Variants in KIF24 observed in about 807,000 individuals in gnomAD.
The protein encoded by KIF24 is kinesin-like protein KIF24.
In KIF24, 81 loss-of-function variants were observed where a neutral mutation model predicts 118.9. The observed-to-expected ratio is 0.68, with a 90% CI of 0.57 to 0.82. KIF24 has a LOEUF of 0.82. Among genes scored for constraint, KIF24 ranks in the 40% least tolerant of loss-of-function variants. The pLI is 0.00. For synonymous variants in KIF24, 599 were observed against 610.0 expected (o/e 0.98, Z 0.27); for missense variants, 1,560 against 1,661.6 (o/e 0.94, Z 1.06).
At chr9:34,272,000 T>G in intron 6 of KIF24, 70 bp from the exon 7 acceptor site, 1 of 1,432,016 alleles carries the variant, frequency 7.0e-7, no homozygotes, top group East Asian at 2.5e-5. Flanking sequence ...AAGAGTTGGC[T>G]AAGAGCAGTA....
intron 4 of KIF24, among the ~76,000 whole-genome samples, chr9:34,295,798 A>G (rs1292915152): frequency 6.6e-6 from 1 of 151,996 alleles, no homozygotes; most frequent in Non-Finnish European, 1.5e-5. Context: ...TTGGCCTCCC[A>G]AAGTGCTTGG....
In KIF24 at chr9:34,262,675, AATATATAT is replaced by A. The variant is rs1428160924; in HGVS notation, c.1515+418_1515+425del. On this transcript the variant is annotated intron_variant, in intron 9 of 12. Transcript: ENST00000402558. ...AAAAAAAAAAAAAAAAAAAAAAAAA[AATATATAT>A]ATATATATATATATATATATATATA... Among the ~76,000 whole-genome samples, 56 of 27,062 alleles carry A rather than the reference AATATATAT, an allele frequency of 2.1e-3. 1 individual carries two copies. The highest frequency in any genetic ancestry group is 9.2e-3 in the African/African-American group (50 of 5,428). 17.8% of individuals were successfully genotyped at this position (27,062 alleles called of 152,430 possible). A position where few individuals can be genotyped will look rare whatever the true frequency, so the allele number is the denominator to read the frequency against.
intron 8 of KIF24, among the ~76,000 whole-genome samples, chr9:34,264,054 G>A (rs1835192507): frequency 6.6e-6 from 1 of 152,088 alleles, no homozygotes; most frequent in Non-Finnish European, 1.5e-5. Context: ...AGTGGTGGGG[G>A]TCGTGGGGGG....
rs553561001 is a variant in KIF24, at chr9:34,255,079, G to A, written c.3959C>T (p.Ala1320Val). 1 of 1,585,482 alleles carries A rather than the reference G, an allele frequency of 6.3e-7. No homozygotes were observed. The highest frequency in any genetic ancestry group is 1.3e-5 in the African/African-American group (1 of 74,424). ...CCAGCCAGGGCTACTTACATTAGAA[G>A]CCAGCTGGCTCATCAGCGTCTCCTC... ...FKEETLMSQL[A>V]SNDFEDFVTQ... The change falls in exon 12 of 13, where the codon GCT becomes GTT. Residue 1320 changes from alanine (A) to valine (V), a missense_variant. Ala to Val is a moderately conservative substitution (Grantham distance 64). Around this residue, in one of 3 missense-constraint regions of KIF24, gnomAD observed 591 missense variants for 655.6 expected, o/e 0.90. Transcript: ENST00000402558.
At chr9:34,293,708 G>A (rs957015565) in intron 4 of KIF24, among the ~76,000 whole-genome samples, 3 of 152,060 alleles carry the variant, frequency 2.0e-5, no homozygotes, top group Admixed American at 6.6e-5. Context: ...CCCAGGAGGC[G>A]GAGCTTGCAG....
intron 1 of KIF24, among the ~76,000 whole-genome samples, chr9:34,314,272 C>A (rs925604484): frequency 4.0e-5 from 6 of 151,530 alleles, no homozygotes; most frequent in Non-Finnish European, 8.8e-5. Context: ...CAAGCAATTC[C>A]CATGCCTCAG....
rs148571424 is a variant in KIF24, at chr9:34,321,807, A to G, written c.-26+7299T>C. Among the ~76,000 whole-genome samples the G allele has an allele frequency of 2.3e-3, 352 of 151,838 alleles. 1 individual carries two copies. Among genetic ancestry groups the G allele is most frequent in the African/African-American group, 7.8e-3 (323 of 41,390 alleles). The stretch of plus-strand genomic sequence containing the variant: ...TTTTTTGTAGAGATGAGGTCTCCCT[A>G]TGTTGCCCAGGCTGGTCTGGAACTC... On this transcript the variant is annotated intron_variant, in intron 1 of 12. Transcript: ENST00000402558.
At chr9:34,258,205 A>C (rs1834931429) in intron 10 of KIF24, among the ~76,000 whole-genome samples, 1 of 152,194 alleles carries the variant, frequency 6.6e-6, no homozygotes, top group Non-Finnish European at 1.5e-5. Context: ...GTAGTGGCTC[A>C]CATCTGTAAT....
chr9:34,290,439 GTTTAC>G (rs1302033236), intron 4 of KIF24, 50 bp from the exon 5 acceptor site: 1 of 1,178,872 alleles, frequency 8.5e-7, no homozygotes, highest in African/African-American at 1.5e-5. Flanking sequence ...AGAAGTATTA[GTTTAC>G]CCATAGATTT....
intron 5 of KIF24, among the ~76,000 whole-genome samples, chr9:34,289,821 T>C (rs1836184180): frequency 6.6e-6 from 1 of 152,206 alleles, no homozygotes; most frequent in Non-Finnish European, 1.5e-5. Flanking sequence ...ACATTATTTA[T>C]AGTTTTTCCA....
rs941089122 is a variant in KIF24 at position 34,302,460 on chromosome 9, C to A, written c.813+3792G>T. Among the ~76,000 whole-genome samples, 5 of 136,440 alleles carry A rather than the reference C, an allele frequency of 3.7e-5. No individual in the cohort carries two copies. The South Asian group carries it at 1.3e-3, about 37-fold the overall frequency. The allele number at this position is 136,440 out of a possible 152,430, so 89.5% of individuals were successfully genotyped here. On this transcript the variant is annotated intron_variant, in intron 3 of 12. Coordinates refer to ENST00000402558, the MANE Select transcript of KIF24 (RefSeq NM_194313.4). Reference sequence around the variant, plus strand: ...CTGAAACTACAGGTACATGTCACCACGCTTGGCAATTTTTTTTTTTTTTGA... The same window carrying A: ...CTGAAACTACAGGTACATGTCACCAAGCTTGGCAATTTTTTTTTTTTTTGA...
In KIF24 at chr9:34,287,881, G is replaced by A. The variant is rs1030856975; in HGVS notation, c.1128-1177C>T. On this transcript the variant is annotated intron_variant, in intron 5 of 12. Coordinates refer to ENST00000402558, the MANE Select transcript of KIF24 (RefSeq NM_194313.4). ...TGTGAATAGTCACTATGTTACAGCC[G>A]CGTAACACAGCAAGAGCCCATCTCT... is the stretch of plus-strand genomic sequence containing the variant. 6.8e-4 allele frequency among the ~76,000 whole-genome samples: 101 copies of A among 148,630 alleles called. 1 individual carries two copies. Among genetic ancestry groups the A allele is most frequent in the African/African-American group, 1.8e-3 (74 of 40,218 alleles).
At chr9:34,323,928 A>G (rs763007783) in intron 1 of KIF24, among the ~76,000 whole-genome samples, 2 of 152,242 alleles carry the variant, frequency 1.3e-5, no homozygotes, top group African/African-American at 2.4e-5. Context: ...TTTATTCAAA[A>G]CCATGACATA....
At chr9:34,268,542 C>CT (rs201233801) in intron 8 of KIF24, among the ~76,000 whole-genome samples, 4,288 of 136,210 alleles carry the variant, frequency 0.031, 216 homozygotes, top group African/African-American at 0.11. Flanking sequence ...GAGTCTCACT[C>CT]TGTCACCCAG....
chr9:34,286,789 C>A, intron 5 of KIF24, 85 bp from the exon 6 acceptor site: 1 of 915,784 alleles, frequency 1.1e-6, no homozygotes, highest in Non-Finnish European at 1.8e-6. Context: ...TCCACCATTC[C>A]TCTATTAAGT....
Position 34,262,662 on chromosome 9 carries a change from A to AT in KIF24, c.1515+438_1515+439insA, listed in dbSNP as rs1311935609. 5.2e-3 allele frequency among the ~76,000 whole-genome samples: 262 copies of AT among 50,298 alleles called. 7 individuals are homozygous for AT. The highest frequency in any genetic ancestry group is 9.6e-3 in the Middle Eastern group (1 of 104). 33.0% of individuals were successfully genotyped at this position (50,298 alleles called of 152,430 possible). A position where few individuals can be genotyped will look rare whatever the true frequency, so the allele number is the denominator to read the frequency against. ...TCTCTACCAAAAAAAAAAAAAAAAA[A>AT]AAAAAAAAAAAAAATATATATATAT... On this transcript the variant is annotated intron_variant, in intron 9 of 12. Coordinates refer to ENST00000402558, the MANE Select transcript of KIF24 (RefSeq NM_194313.4).
rs772010024 is a variant in KIF24, at chr9:34,256,178, C to A, written c.3429G>T (p.Leu1143=). 2 of 1,602,498 alleles carry A rather than the reference C, an allele frequency of 1.2e-6. No individual in the cohort carries two copies. The highest frequency in any genetic ancestry group is 1.7e-6 in the Non-Finnish European group (2 of 1,172,736). The change falls in exon 11 of 13, where the codon CTG becomes CTT. Residue 1143 remains leucine, a synonymous_variant. Transcript: ENST00000402558. ...SPIRQHPADK[L]PSREADLGEA... is the part of the protein sequence containing the mutation. ...CTCCTAGGTCTGCCTCCCTGCTGGG[C>A]AGCTTGTCAGCTGGGTGCTGACGGA...
In KIF24 at chr9:34,256,992, C is replaced by T; in HGVS notation, c.2615G>A (p.Arg872Lys). The T allele has an allele frequency of 6.2e-7, 1 of 1,614,046 alleles. No individual in the cohort carries two copies. Among genetic ancestry groups the T allele is most frequent in the Non-Finnish European group, 8.5e-7 (1 of 1,179,912 alleles). The change falls in exon 11 of 13, where the codon AGA (arginine) becomes AAA (lysine). Residue 872 changes from arginine to lysine, a missense_variant. This residue lies in a region of KIF24 where 591 missense variants were observed against 655.6 expected (regional missense o/e 0.90). Coordinates refer to ENST00000402558, the MANE Select transcript of KIF24 (RefSeq NM_194313.4). Reference protein sequence around the residue: ...GQGPEKQVAERQQSLFSSPRT... With the variant: ...GQGPEKQVAEKQQSLFSSPRT... ...GGGGCTAGAAAACAGACTCTGCTGT[C>T]TTTCTGCCACCTGCTTCTCAGGACC...
At chr9:34,259,761 G>T in intron 9 of KIF24, 56 bp from the exon 10 acceptor site, 2 of 1,103,768 alleles carry the variant, frequency 1.8e-6, no homozygotes, top group South Asian at 2.5e-5. Context: ...AGTGCATACT[G>T]ACTACTTACT....
Sources: gnomAD v4.1 joint callset for allele counts (sites outside exome capture counted in the v4.1 genomes callset) on GRCh38, gnomAD v4.1.1 for gene constraint, gnomAD v4.1.1 regional missense constraint, MANE v1.5 for transcripts, NCBI Gene and HGNC (gene_info 2026-07-23, HGNC 2026-07-21) for gene names.